CDH23: variants seen among roughly 807,000 people sequenced by gnomAD.
CDH23 encodes the protein cadherin related 23, also known as cadherin-23.
Under a neutral mutation model 317.1 loss-of-function variants are expected in CDH23, and 189 were observed. The observed-to-expected ratio is 0.60, with a 90% confidence interval of 0.53 to 0.67. The LOEUF (loss-of-function observed/expected upper bound fraction) is 0.67. Ranked by LOEUF, CDH23 falls within the 30% of genes least tolerant of loss-of-function variation. CDH23 has a pLI of 0.00. For synonymous variants in CDH23, 1,839 were observed against 1,876.8 expected, an observed-to-expected ratio of 0.98 and a Z score of 0.52; for missense variants, 4,401 against 4,592.4, an observed-to-expected ratio of 0.96 and a Z score of 1.20.
chr10:71,503,884 C>T (rs116779209), intron 3 of CDH23, among the ~76,000 whole-genome samples: 2,602 of 152,190 alleles, frequency 0.017, 60 homozygotes, highest in African/African-American at 0.054. Flanking sequence ...GGGCGAGGGT[C>T]CCGAGGCAGC....
chr10:71,795,802 C>T (rs1841385402), intron 48 of CDH23: 5 of 983,358 alleles, frequency 5.1e-6, no homozygotes, highest in Non-Finnish European at 6.0e-6. Context: ...CTGATGTTAA[C>T]CCTCTTCTCT....
chr10:71,494,801 C>CG (rs1319914722), intron 3 of CDH23, among the ~76,000 whole-genome samples: 1 of 152,180 alleles, frequency 6.6e-6, no homozygotes, highest in Non-Finnish European at 1.5e-5. Flanking sequence ...CCTGCTACCC[C>CG]GGCACCCATA....
At chr10:71,583,599 G>A (rs769522765) in intron 9 of CDH23, among the ~76,000 whole-genome samples, 27 of 152,162 alleles carry the variant, frequency 1.8e-4, no homozygotes, top group Admixed American at 3.9e-4. Context: ...CAAGTGCTGT[G>A]GGTGAGGGCA....
chr10:71,599,071 G>T lies in CDH23; in HGVS notation c.833-16433G>T, dbSNP rs1372347744. The stretch of plus-strand genomic sequence containing the variant: ...ACCCCTGGCCTTTGTCAGAGAAGCA[G>T]GGCCAAGTTCACTGGCAAATGTGAA... On this transcript the variant is annotated intron_variant, in intron 9 of 69. Transcript: ENST00000224721. Among the ~76,000 whole-genome samples the T allele has an allele frequency of 3.3e-5, 5 of 151,618 alleles. No individual in the cohort carries two copies. The East Asian group carries it at 7.7e-4, about 23-fold the overall frequency.
chr10:71,596,186 C>A (rs1859830052), intron 9 of CDH23, among the ~76,000 whole-genome samples: 1 of 151,996 alleles, frequency 6.6e-6, no homozygotes, highest in South Asian at 2.1e-4. Flanking sequence ...CACTTTTTTG[C>A]AGCCATAATT....
chr10:71,808,119 C>A (rs1841796083), intron 60 of CDH23, 112 bp downstream of exon 60: 2 of 1,332,336 alleles, frequency 1.5e-6, no homozygotes, highest in Admixed American at 2.1e-5. Context: ...TATGGGTGGC[C>A]CCCCAGCCAG....
intron 9 of CDH23, among the ~76,000 whole-genome samples, chr10:71,610,697 G>T (rs1860820261): frequency 6.6e-6 from 1 of 151,952 alleles, no homozygotes; most frequent in Admixed American, 6.5e-5. Context: ...AATGAAGGCT[G>T]CAATCCCCAC....
At chr10:71,449,329 T>C (rs890593454) in intron 3 of CDH23, among the ~76,000 whole-genome samples, 4 of 152,132 alleles carry the variant, frequency 2.6e-5, no homozygotes, top group African/African-American at 9.7e-5. Context: ...GCTCGAGGCC[T>C]CATTACCTGG....
chr10:71,499,864 A>C (rs1032296920), intron 3 of CDH23, among the ~76,000 whole-genome samples: 1 of 151,742 alleles, frequency 6.6e-6, no homozygotes, highest in Non-Finnish European at 1.5e-5. Flanking sequence ...CAAATAAACA[A>C]AAACTAGCCA....
chr10:71,713,468 G>C, intron 28 of CDH23: 1 of 585,332 alleles, frequency 1.7e-6, no homozygotes, highest in Non-Finnish European at 3.0e-6. Flanking sequence ...TGCCCACTGG[G>C]GCAGGCTCCC....
chr10:71,408,686 G>A (rs1340471709), intron 1 of CDH23, among the ~76,000 whole-genome samples: 1 of 152,190 alleles, frequency 6.6e-6, no homozygotes, highest in Non-Finnish European at 1.5e-5. Context: ...CCGGAAGAAG[G>A]GAGCCCATGA....
At chr10:71,469,651 G>T (rs1191055512) in intron 3 of CDH23, among the ~76,000 whole-genome samples, 1 of 152,006 alleles carries the variant, frequency 6.6e-6, no homozygotes, top group Non-Finnish European at 1.5e-5. Flanking sequence ...TGTTGCCCAG[G>T]CTGGAGTGCA....
rs576318436 is a variant in CDH23 at position 71,417,931 on chromosome 10, T to A, written c.-6+20613T>A. ...GCTCATTCCAGTTATTTTCTGCGGG[T>A]CTATTTTCAGTTCACTCATCTTCTC... On this transcript the variant is annotated intron_variant, in intron 1 of 69. Coordinates refer to ENST00000224721, the MANE Select transcript of CDH23 (RefSeq NM_022124.6). Among the ~76,000 whole-genome samples, 193 of 152,368 alleles carry A rather than the reference T, an allele frequency of 1.3e-3. 1 individual carries two copies. The highest frequency in any genetic ancestry group is 4.5e-3 in the African/African-American group (187 of 41,586).
chr10:71,762,476 G>A (rs949831552), intron 38 of CDH23, among the ~76,000 whole-genome samples: 6 of 152,260 alleles, frequency 3.9e-5, no homozygotes, highest in South Asian at 2.1e-4. Flanking sequence ...TTGCCAGGGA[G>A]CACTAAGAGA....
intron 33 of CDH23, 49 bp from the exon 34 acceptor site, chr10:71,734,607 A>G (rs370362568): frequency 4.4e-5 from 69 of 1,578,030 alleles, no homozygotes; most frequent in Non-Finnish European, 5.8e-5. Flanking sequence ...AACCATTTGC[A>G]TCTTTGCCTT....
chr10:71,758,244 G>C (rs545557843), intron 38 of CDH23, among the ~76,000 whole-genome samples: 28 of 152,328 alleles, frequency 1.8e-4, no homozygotes, highest in African/African-American at 6.7e-4. Flanking sequence ...TGTAGCCTTT[G>C]AGTTGGGTTT....
intron 32 of CDH23, chr10:71,732,699 G>A: frequency 1.5e-6 from 2 of 1,298,230 alleles, no homozygotes; most frequent in Non-Finnish European, 2.0e-6. Flanking sequence ...TCATATGTAG[G>A]AGTAAGATAA....
intron 14 of CDH23, among the ~76,000 whole-genome samples, chr10:71,673,310 G>T (rs1349127347): frequency 1.3e-5 from 2 of 152,214 alleles, no homozygotes; most frequent in Admixed American, 6.5e-5. Flanking sequence ...ACCTGGAACT[G>T]AGGCCTCCAC....
intron 28 of CDH23, chr10:71,713,709 G>A: frequency 5.5e-6 from 1 of 181,198 alleles, no homozygotes; most frequent in Non-Finnish European, 1.2e-5. Flanking sequence ...ATACCCCCCT[G>A]GCCTGGTGCC....
Sources: gnomAD v4.1 joint callset for allele counts (sites outside exome capture counted in the v4.1 genomes callset) on GRCh38, gnomAD v4.1.1 for gene constraint, MANE v1.5 for transcripts, NCBI Gene and HGNC (gene_info 2026-07-23, HGNC 2026-07-21) for gene names.